The following MTARC2 variants were observed in gnomAD, a reference collection of about 807,000 sequenced individuals.
MTARC2 encodes the protein mitochondrial amidoxime reducing component 2, also known as MOCO sulphurase C-terminal domain containing 2.
In MTARC2, 27 loss-of-function variants were observed where a neutral mutation model predicts 35.6. The observed-to-expected ratio is 0.76, with a 90% confidence interval of 0.56 to 1.04. The LOEUF (loss-of-function observed/expected upper bound fraction) is 1.04, where lower values mean the gene tolerates loss of function less well. Among genes scored for constraint, MTARC2 ranks in the 50% least tolerant of loss-of-function variants. The pLI is 0.00. For missense variants in MTARC2, 412 were observed against 432.5 expected, an observed-to-expected ratio of 0.95 and a Z score of 0.42; for synonymous variants, 158 against 167.1, an observed-to-expected ratio of 0.95 and a Z score of 0.42.
chr1:220,778,755 C>A (rs1671987974), intron 4 of MTARC2, among the ~76,000 whole-genome samples: 1 of 152,090 alleles, frequency 6.6e-6, no homozygotes, highest in African/African-American at 2.4e-5. Flanking sequence ...ATCACTCTGC[C>A]CTTCCGTTTC....
intron 1 of MTARC2, among the ~76,000 whole-genome samples, chr1:220,751,908 T>G (rs1163605916): frequency 2.0e-5 from 3 of 152,262 alleles, no homozygotes; most frequent in Non-Finnish European, 4.4e-5. Context: ...TCACTGGGCA[T>G]CATTTTGTGC....
intron 2 of MTARC2, among the ~76,000 whole-genome samples, chr1:220,757,391 TA>T (rs985199181): frequency 2.4e-4 from 37 of 152,340 alleles, no homozygotes; most frequent in African/African-American, 8.9e-4. Flanking sequence ...GTTCAGCCTG[TA>T]TTTATAAGCT....
At chr1:220,774,913 A>T (rs377649232) in intron 4 of MTARC2, among the ~76,000 whole-genome samples, 3,588 of 152,164 alleles carry the variant, frequency 0.024, 107 homozygotes, top group African/African-American at 0.064. Flanking sequence ...CTGTGTGGAT[A>T]TAGCCATGCA....
At position 220,780,181 on chromosome 1, in the gene MTARC2, A is replaced by G. The variant is rs147257085; in HGVS notation, c.826A>G (p.Thr276Ala). The G allele has an allele frequency of 1.2e-6, 2 of 1,612,752 alleles. No individual in the cohort carries two copies. Among genetic ancestry groups the G allele is most frequent in the East Asian group, 4.5e-5 (2 of 44,838 alleles). ...ACTGCATAACAGGTGTATTTTGACA[A>G]CGGTGGACCCAGACACTGGAGTCAT... ...VMACPRCILT[T>A]VDPDTGVIDR... The change falls in exon 6 of 8, where the codon ACG (threonine) becomes GCG (alanine). Residue 276 changes from threonine to alanine, a missense_variant. Physicochemically the swap from Thr to Ala is moderately conservative, Grantham distance 58 (BLOSUM62 0). Coordinates refer to ENST00000366913, the MANE Select transcript of MTARC2 (RefSeq NM_017898.5).
intron 4 of MTARC2, among the ~76,000 whole-genome samples, chr1:220,776,647 C>T (rs1376737321): frequency 1.3e-5 from 2 of 152,152 alleles, no homozygotes; most frequent in African/African-American, 2.4e-5. Context: ...CGAATCCAGA[C>T]AATTTGCTCT....
At chr1:220,751,663 T>C (rs1418280132) in intron 1 of MTARC2, among the ~76,000 whole-genome samples, 1 of 152,182 alleles carries the variant, frequency 6.6e-6, no homozygotes, top group Admixed American at 6.5e-5. Flanking sequence ...TTCTGTTGTT[T>C]TGGGCTCCAC....
intron 4 of MTARC2, among the ~76,000 whole-genome samples, chr1:220,778,487 C>T (rs1358430634): frequency 6.6e-6 from 1 of 152,142 alleles, no homozygotes; most frequent in African/African-American, 2.4e-5. Context: ...ATCATGAGAA[C>T]AGCACCAAGG....
intron 4 of MTARC2, among the ~76,000 whole-genome samples, chr1:220,768,192 A>G (rs1671637219): frequency 6.6e-6 from 1 of 152,210 alleles, no homozygotes; most frequent in Non-Finnish European, 1.5e-5. Context: ...TTGGGTTCTA[A>G]TATCAGTGTA....
chr1:220,765,136 C>A (rs1437525770), intron 4 of MTARC2, among the ~76,000 whole-genome samples: 1 of 152,062 alleles, frequency 6.6e-6, no homozygotes, highest in Non-Finnish European at 1.5e-5. Flanking sequence ...AGGTCCAGGT[C>A]CCCGGAAGCA....
chr1:220,750,971 T>C (rs992979682), intron 1 of MTARC2, among the ~76,000 whole-genome samples: 11 of 152,252 alleles, frequency 7.2e-5, no homozygotes, highest in Non-Finnish European at 4.4e-5. Flanking sequence ...AGGTTGAACT[T>C]CATGGTCTCT....
intron 3 of MTARC2, among the ~76,000 whole-genome samples, chr1:220,762,120 G>A (rs1671454277): frequency 6.6e-6 from 1 of 152,176 alleles, no homozygotes; most frequent in Non-Finnish European, 1.5e-5. Flanking sequence ...GAGAAAACTG[G>A]CTGGAGAAAC....
intron 4 of MTARC2, among the ~76,000 whole-genome samples, chr1:220,779,420 G>T (rs1672003056): frequency 6.6e-6 from 1 of 152,162 alleles, no homozygotes; most frequent in African/African-American, 2.4e-5. Context: ...GGTAAAATGG[G>T]GCTCATGATA....
At chr1:220,777,507 G>C (rs1418424901) in intron 4 of MTARC2, among the ~76,000 whole-genome samples, 1 of 152,198 alleles carries the variant, frequency 6.6e-6, no homozygotes, top group Non-Finnish European at 1.5e-5. Context: ...CCCAAGCGAA[G>C]CAGCCAGGGG....
Position 220,755,065 on chromosome 1 carries a change from G to A in MTARC2, c.391G>A (p.Asp131Asn), listed in dbSNP as rs1425423155. ...CCTGATCTTCAGGGCTCCAGACATG[G>A]ACCAGCTGGTTTTGCCTAGCAAGCA... ...NCLIFRAPDMDQLVLPSKQPS... is the reference protein window; with the variant it reads ...NCLIFRAPDMNQLVLPSKQPS... The change falls in exon 2 of 8, where the codon GAC becomes AAC. Residue 131 changes from aspartate to asparagine, a missense_variant. Coordinates refer to ENST00000366913, the MANE Select transcript of MTARC2 (RefSeq NM_017898.5). 1 of 1,612,996 alleles carries A rather than the reference G, an allele frequency of 6.2e-7. No individual in the cohort carries two copies. Among genetic ancestry groups the A allele is most frequent in the East Asian group, 2.2e-5 (1 of 44,768 alleles).
chr1:220,783,131 C>T (rs902377776), intron 7 of MTARC2, among the ~76,000 whole-genome samples: 19 of 152,128 alleles, frequency 1.2e-4, no homozygotes, highest in African/African-American at 4.1e-4. Flanking sequence ...ATATTTCATC[C>T]GTTCTGAGAT....
chr1:220,760,584 G>A (rs337140), intron 2 of MTARC2, among the ~76,000 whole-genome samples: 6,797 of 152,154 alleles, frequency 0.045, 399 homozygotes, highest in African/African-American at 0.13. Flanking sequence ...TTAAGCATTT[G>A]ATTTCAAATA....
In MTARC2 at chr1:220,779,119, G is replaced by A. The variant is rs115160115; in HGVS notation, c.751-899G>A. 7.0e-3 allele frequency among the ~76,000 whole-genome samples: 1,062 copies of A among 152,218 alleles called. 13 individuals are homozygous for A. The highest frequency in any genetic ancestry group is 0.023 in the African/African-American group (941 of 41,512). ...GGCCCAGCCAAAAAACCCTAAGAGG[G>A]TAGAGGTGATTTTTGCCTCCCTACA... On this transcript the variant is annotated intron_variant, in intron 4 of 7. Coordinates refer to ENST00000366913, the MANE Select transcript of MTARC2 (RefSeq NM_017898.5).
chr1:220,782,418 G>A (rs187834718), intron 7 of MTARC2, among the ~76,000 whole-genome samples: 41 of 152,226 alleles, frequency 2.7e-4, no homozygotes, highest in Admixed American at 2.3e-3. Context: ...AGTGCATCAT[G>A]GTGACTGGGT....
intron 4 of MTARC2, among the ~76,000 whole-genome samples, chr1:220,769,934 CAAAAAAAA>C (rs57739324): frequency 1.9e-4 from 12 of 63,422 alleles, no homozygotes; most frequent in African/African-American, 3.1e-4. Flanking sequence ...ACTAAAAATA[CAAAAAAAA>C]AAAAAAAAAA....
Sources: allele counts gnomAD v4.1 joint callset (sites outside exome capture counted in the v4.1 genomes callset), GRCh38; gene constraint gnomAD v4.1.1; transcripts MANE v1.5; gene names NCBI Gene and HGNC (gene_info 2026-07-23, HGNC 2026-07-21).